PCDHGA2: variants seen among roughly 807,000 people sequenced by gnomAD.
PCDHGA2 encodes protocadherin gamma-A2.
PCDHGA2 carries 40 observed loss-of-function variants against 59.2 expected under a neutral mutation model. The observed-to-expected ratio is 0.68, with a 90% confidence interval of 0.52 to 0.88. The LOEUF (loss-of-function observed/expected upper bound fraction) is 0.88, where lower values mean the gene tolerates loss of function less well. PCDHGA2 is among the 40% of genes least tolerant of loss of function. The pLI is 0.00. For missense variants in PCDHGA2, 1,226 were observed against 1,204.0 expected, an observed-to-expected ratio of 1.02 and a Z score of -0.27; for synonymous variants, 560 against 526.0, an observed-to-expected ratio of 1.06 and a Z score of -0.89.
At chr5:141,352,734 A>G in intron 1 of PCDHGA2, 1 of 1,506,098 alleles carries the variant, frequency 6.6e-7, no homozygotes. Flanking sequence ...TCAAGCCTGT[A>G]ATCCCAGCAC....
intron 1 of PCDHGA2, among the ~76,000 whole-genome samples, chr5:141,380,119 C>G (rs1776230569): frequency 6.6e-6 from 1 of 151,916 alleles, no homozygotes; most frequent in Non-Finnish European, 1.5e-5. Flanking sequence ...AGGCTGGTCT[C>G]AAACTCCTGA....
rs377626542 is a variant in PCDHGA2 at position 141,339,224 on chromosome 5, G to A, written c.253G>A (p.Val85Ile). The stretch of plus-strand genomic sequence containing the variant: ...TCTGAACCCGCGAAGCGGCAGCTTG[G>A]TCACTGCGAACAGGATAGACCGGGA... Reference protein sequence around the residue: ...FALNPRSGSLVTANRIDREEL... With the variant: ...FALNPRSGSLITANRIDREEL... The change falls in exon 1 of 4, where the codon GTC (valine) becomes ATC (isoleucine). Residue 85 changes from valine (V) to isoleucine (I), a missense_variant. Coordinates refer to ENST00000394576, the MANE Select transcript of PCDHGA2 (RefSeq NM_018915.4). 10 of 1,614,190 alleles carry A rather than the reference G, an allele frequency of 6.2e-6. No homozygotes were observed. The highest frequency in any genetic ancestry group is 5.9e-6 in the Non-Finnish European group (7 of 1,180,004).
chr5:141,478,635 A>T, intron 1 of PCDHGA2: 1 of 1,552,830 alleles, frequency 6.4e-7, no homozygotes, highest in Non-Finnish European at 8.7e-7. Context: ...TTTTTTAGTG[A>T]TGAAGATGTT....
At chr5:141,481,618 G>C (rs1339565594) in intron 1 of PCDHGA2, among the ~76,000 whole-genome samples, 1 of 152,142 alleles carries the variant, frequency 6.6e-6, no homozygotes, top group African/African-American at 2.4e-5. Context: ...AGGAGTTCAA[G>C]ACCGGCCTGG....
intron 1 of PCDHGA2, chr5:141,411,444 T>C (rs1589800236): frequency 6.8e-6 from 1 of 147,662 alleles, no homozygotes; most frequent in African/African-American, 2.5e-5. Context: ...ATTAGCAGAG[T>C]GTGGTAGCAT....
At chr5:141,386,834 G>A (rs1253552836) in intron 1 of PCDHGA2, among the ~76,000 whole-genome samples, 1 of 152,192 alleles carries the variant, frequency 6.6e-6, no homozygotes, top group East Asian at 1.9e-4. Context: ...GCAATGGAGA[G>A]ACATAATCAC....
intron 1 of PCDHGA2, among the ~76,000 whole-genome samples, chr5:141,480,796 C>G (rs1007525949): frequency 2.6e-5 from 4 of 152,074 alleles, no homozygotes; most frequent in African/African-American, 7.2e-5. Flanking sequence ...ATTTGAAAAC[C>G]ACAGCTTTGG....
intron 1 of PCDHGA2, chr5:141,345,556 A>G: frequency 2.5e-6 from 4 of 1,613,938 alleles, no homozygotes; most frequent in East Asian, 2.2e-5. Context: ...GTCTCTATCA[A>G]CTCCAACACT....
At position 141,340,239 on chromosome 5, in the gene PCDHGA2, C is replaced by G; in HGVS notation, c.1268C>G (p.Thr423Ser). ...EQFSFYNITL[T>S]AKDGGNPSLS... ...TTTTCCTTTTACAACATCACTCTAA[C>G]CGCTAAAGATGGAGGGAACCCCTCC... Residue 423 changes from threonine (T) to serine (S), a missense_variant, in exon 1 of 4, where the codon ACC becomes AGC. Thr to Ser is a moderately conservative substitution (Grantham distance 58). Transcript: ENST00000394576. 6.2e-7 allele frequency: 1 copy of G among 1,614,202 alleles called. No homozygotes were observed. The highest frequency in any genetic ancestry group is 8.5e-7 in the Non-Finnish European group (1 of 1,180,024).
chr5:141,405,332 T>C, intron 1 of PCDHGA2: 1 of 1,614,222 alleles, frequency 6.2e-7, no homozygotes, highest in Non-Finnish European at 8.5e-7. Flanking sequence ...TTTGTGCGTC[T>C]CTGTTGATTC....
chr5:141,341,407 T>C lies in PCDHGA2; in HGVS notation c.2424+12T>C, dbSNP rs761011943. 1.2e-6 allele frequency: 2 copies of C among 1,614,154 alleles called. No individual in the cohort carries two copies. Among genetic ancestry groups the C allele is most frequent in the Non-Finnish European group, 1.7e-6 (2 of 1,180,026 alleles). On this transcript the variant is annotated intron_variant, in intron 1 of 3. Transcript: ENST00000394576. The stretch of plus-strand genomic sequence containing the variant: ...AAACGTTTTCTCAGGTAATCTATCT[T>C]TTCACAACATACGTACTAGCTAGTT...
chr5:141,451,809 A>C (rs1316571749), intron 1 of PCDHGA2, among the ~76,000 whole-genome samples: 1 of 150,308 alleles, frequency 6.7e-6, no homozygotes, highest in Non-Finnish European at 1.5e-5. Flanking sequence ...TGAACCCAGG[A>C]GGCGGAGGTT....
chr5:141,414,638 A>C lies in PCDHGA2; in HGVS notation c.2424+73243A>C, dbSNP rs539861509. The C allele has an allele frequency of 7.8e-5, 126 of 1,613,988 alleles. 1 individual carries two copies. In the South Asian group the frequency reaches 1.3e-3, roughly 17 times the overall value. ...GCGCTGGACCCGGACAGCAAAGAGA[A>C]TGCCCAGATTATTTACTCCCTGGCT... On this transcript the variant is annotated intron_variant, in intron 1 of 3. Coordinates refer to ENST00000394576, the MANE Select transcript of PCDHGA2 (RefSeq NM_018915.4).
intron 1 of PCDHGA2, chr5:141,426,967 T>G (rs151241654): frequency 2.2e-6 from 1 of 456,702 alleles, no homozygotes; most frequent in East Asian, 6.9e-5. Context: ...GCAATTCAAA[T>G]TGAGGTCACT....
At chr5:141,409,435 C>T in intron 1 of PCDHGA2, 2 of 1,613,994 alleles carry the variant, frequency 1.2e-6, no homozygotes, top group Non-Finnish European at 1.7e-6. Context: ...GAGCCCTGGA[C>T]CGAGAGCAGA....
At chr5:141,357,334 C>T (rs373146854) in intron 1 of PCDHGA2, 1 of 1,614,118 alleles carries the variant, frequency 6.2e-7, no homozygotes, top group South Asian at 1.1e-5. Flanking sequence ...CACGGTGCTG[C>T]TAGCACTCAA....
In PCDHGA2 at chr5:141,476,336, C is replaced by A; in HGVS notation, c.2425-18471C>A. 18 of 1,614,008 alleles carry A rather than the reference C, an allele frequency of 1.1e-5. No homozygotes were observed. Among genetic ancestry groups the A allele is most frequent in the Non-Finnish European group, 1.5e-5 (18 of 1,180,008 alleles). ...GTTCCGGGTGGTGTCTGGAGCTAGC[C>A]GAAGATTCTTTGAGGTGAACCGGGA... On this transcript the variant is annotated intron_variant, in intron 1 of 3. Coordinates refer to ENST00000394576, the MANE Select transcript of PCDHGA2 (RefSeq NM_018915.4). The surrounding 1 kb of genome is among the most constrained non-coding windows in gnomAD (Gnocchi z 7.6).
In PCDHGA2 at chr5:141,344,253, C is replaced by G. The variant is rs200564331; in HGVS notation, c.2424+2858C>G. The G allele has an allele frequency of 3.0e-4, 487 of 1,614,050 alleles. No individual in the cohort carries two copies. The highest frequency in any genetic ancestry group is 3.8e-4 in the Non-Finnish European group (452 of 1,179,896). ...CATCGTCTCCAGAGGTAGGACGCAGCTTTTCTCTCTGAATCCGCAAAGCGG... is the reference window on the plus strand; with the variant it reads ...CATCGTCTCCAGAGGTAGGACGCAGGTTTTCTCTCTGAATCCGCAAAGCGG... On this transcript the variant is annotated intron_variant, in intron 1 of 3. Coordinates refer to ENST00000394576, the MANE Select transcript of PCDHGA2 (RefSeq NM_018915.4).
intron 1 of PCDHGA2, chr5:141,357,660 A>G (rs1484445569): frequency 1.2e-6 from 2 of 1,605,080 alleles, no homozygotes; most frequent in South Asian, 2.2e-5. Flanking sequence ...ACACTGAAAT[A>G]TAGACAAAGA....
Sources: allele counts gnomAD v4.1 joint callset (sites outside exome capture counted in the v4.1 genomes callset), GRCh38; gene constraint gnomAD v4.1.1; non-coding constraint Gnocchi (gnomAD v3.1); transcripts MANE v1.5; gene names NCBI Gene and HGNC (gene_info 2026-07-23, HGNC 2026-07-21).